ITGAE: variants seen among roughly 807,000 people sequenced by gnomAD.
ITGAE encodes the protein integrin subunit alpha E.
ITGAE carries 99 observed loss-of-function variants against 136.5 expected under a neutral mutation model. The observed-to-expected ratio is 0.73, with a 90% CI of 0.62 to 0.86. The LOEUF (loss-of-function observed/expected upper bound fraction) is 0.86, where lower values mean the gene tolerates loss of function less well. Ranked by LOEUF, ITGAE falls within the 40% of genes least tolerant of loss-of-function variation. ITGAE has a pLI of 0.00. For missense variants in ITGAE, 1,447 were observed against 1,515.3 expected, an observed-to-expected ratio of 0.95 and a Z score of 0.75; for synonymous variants, 613 against 591.8, an observed-to-expected ratio of 1.04 and a Z score of -0.52.
rs1403975326 is a variant in ITGAE, at chr17:3,725,669, T to G, written c.3085-1925A>C. On this transcript the variant is annotated intron_variant, in intron 26 of 30. Coordinates refer to ENST00000263087, the MANE Select transcript of ITGAE (RefSeq NM_002208.5). ...CTCCCTTGCTCCTCAAAGCCTGGGA[T>G]CACTATAATTCAACCAAAGGCTCTG... 8 of 1,587,566 alleles carry G rather than the reference T, an allele frequency of 5.0e-6. No homozygotes were observed. Among genetic ancestry groups the G allele is most frequent in the Non-Finnish European group, 6.9e-6 (8 of 1,166,474 alleles).
At chr17:3,724,101 G>A (rs762390900) in intron 26 of ITGAE, 4 of 1,594,412 alleles carry the variant, frequency 2.5e-6, no homozygotes, top group Non-Finnish European at 3.4e-6. Context: ...CAGCATCGGC[G>A]ACCCCTCGCA....
intron 26 of ITGAE, 122 bp from the exon 27 acceptor site, chr17:3,723,866 A>T (rs755750422): frequency 1.1e-5 from 16 of 1,516,604 alleles, no homozygotes; most frequent in Non-Finnish European, 1.4e-5. Flanking sequence ...ACCCCGCGGC[A>T]GGCGGGCGCG....
intron 23 of ITGAE, among the ~76,000 whole-genome samples, chr17:3,730,206 A>T (rs562369048): frequency 6.6e-6 from 1 of 152,140 alleles, no homozygotes; most frequent in African/African-American, 2.4e-5. Flanking sequence ...CTGTAATCCC[A>T]GTGCTTTGGG....
At chr17:3,771,894 A>G (rs147718904) in intron 2 of ITGAE, among the ~76,000 whole-genome samples, 57 of 151,932 alleles carry the variant, frequency 3.8e-4, no homozygotes, top group African/African-American at 1.3e-3. Flanking sequence ...ACCAAACACA[A>G]TCTTGACCTT....
At chr17:3,726,019 G>A (rs375040861) in intron 26 of ITGAE, 75 of 1,613,976 alleles carry the variant, frequency 4.6e-5, no homozygotes, top group Admixed American at 2.5e-4. Context: ...CGCTTGGAAC[G>A]GGATGGGATT....
chr17:3,721,416 C>T (rs2051048664), intron 28 of ITGAE, among the ~76,000 whole-genome samples: 1 of 151,520 alleles, frequency 6.6e-6, no homozygotes, highest in Non-Finnish European at 1.5e-5. Context: ...GGACTACAGG[C>T]ATGAGCCACC....
intron 1 of ITGAE, among the ~76,000 whole-genome samples, chr17:3,792,059 T>C (rs1170477885): frequency 6.6e-6 from 1 of 152,212 alleles, no homozygotes; most frequent in Admixed American, 6.5e-5. Flanking sequence ...CTCTCATCCC[T>C]GCATTTAAGG....
chr17:3,731,848 G>A (rs1283254859), intron 22 of ITGAE, among the ~76,000 whole-genome samples: 1 of 151,358 alleles, frequency 6.6e-6, no homozygotes, highest in Non-Finnish European at 1.5e-5. Flanking sequence ...CGAGGCAGGT[G>A]GATCACTTGA....
Position 3,777,588 on chromosome 17 carries a change from A to G in ITGAE, c.107T>C (p.Phe36Ser). 2 of 1,613,802 alleles carry G rather than the reference A, an allele frequency of 1.2e-6. No homozygotes were observed. The highest frequency in any genetic ancestry group is 1.7e-6 in the Non-Finnish European group (2 of 1,179,866). ...TTGGTGCAGAAGGGAGCTGAGCACG[A>G]AAGGGGCACCTCCCTTGGGCGTGAG... ...PWLTPKGGAP[F>S]VLSSLLHQDP... The change falls in exon 2 of 31, where the codon TTC becomes TCC. Residue 36 changes from phenylalanine to serine, a missense_variant. By Grantham distance (155) the Phe-to-Ser change is radical. Coordinates refer to ENST00000263087, the MANE Select transcript of ITGAE (RefSeq NM_002208.5).
At chr17:3,757,674 T>A (rs778886842) in intron 9 of ITGAE, 32 bp downstream of exon 9, 1 of 1,610,822 alleles carries the variant, frequency 6.2e-7, no homozygotes. Context: ...CTGTGCAGGT[T>A]CAGGAGGTGT....
At chr17:3,783,436 G>T (rs574260524) in intron 1 of ITGAE, among the ~76,000 whole-genome samples, 98 of 152,298 alleles carry the variant, frequency 6.4e-4, no homozygotes, top group Middle Eastern at 3.4e-3. Flanking sequence ...GAGCCACCGC[G>T]CCTAGCCCCC....
chr17:3,780,223 C>T (rs1567553634), intron 1 of ITGAE, among the ~76,000 whole-genome samples: 1 of 147,410 alleles, frequency 6.8e-6, no homozygotes, highest in African/African-American at 2.5e-5. Flanking sequence ...CAGGCTGGAG[C>T]GCAGAGGCGA....
Position 3,751,672 on chromosome 17 carries a change from CCGTCCCAGTGTCCATTGTAGATATACA to C in ITGAE, c.1844_1870del (p.Val615_Asp623del). On this transcript the variant is annotated inframe_deletion, in exon 15 of 31. Transcript: ENST00000263087. ...CACCTGCGAGGGGCTGGCGGAGAGGCCGTCCCAGTGTCCATTGTAGATATACACACTGCCGAAGCTGGCACCATCATC... is the reference window on the plus strand; with the variant it reads ...CACCTGCGAGGGGCTGGCGGAGAGGCCACTGCCGAAGCTGGCACCATCATC... 1 of 1,613,856 alleles carries C rather than the reference CCGTCCCAGTGTCCATTGTAGATATACA, an allele frequency of 6.2e-7. No individual in the cohort carries two copies. Among genetic ancestry groups the C allele is most frequent in the Non-Finnish European group, 8.5e-7 (1 of 1,179,890 alleles).
chr17:3,753,749 G>A, intron 13 of ITGAE, 34 bp downstream of exon 13: 1 of 1,612,674 alleles, frequency 6.2e-7, no homozygotes. Flanking sequence ...TTCCCCATCG[G>A]TCATAAGGGG....
At position 3,799,110 on chromosome 17, in the gene ITGAE, A is replaced by G. The variant is rs148565520; in HGVS notation, c.34+2001T>C. On this transcript the variant is annotated intron_variant, in intron 1 of 30. Transcript: ENST00000263087. The surrounding 1 kb of genome is among the most constrained non-coding windows in gnomAD (Gnocchi z 4.1). Reference sequence around the variant, plus strand: ...GTGCTGGGCCTGGAGCCACAGTCTGAGGGAGTTCTTCCTCCCAGCATCTCC... The same window carrying G: ...GTGCTGGGCCTGGAGCCACAGTCTGGGGGAGTTCTTCCTCCCAGCATCTCC... 8.5e-3 allele frequency among the ~76,000 whole-genome samples: 1,293 copies of G among 152,240 alleles called. 16 individuals carry two copies. Among genetic ancestry groups the G allele is most frequent in the African/African-American group, 0.029 (1,198 of 41,530 alleles).
intron 1 of ITGAE, among the ~76,000 whole-genome samples, chr17:3,790,422 G>A (rs897311119): frequency 2.7e-4 from 41 of 151,952 alleles, no homozygotes; most frequent in African/African-American, 8.9e-4. Context: ...CAGGAGACTC[G>A]CTTGAACCTG....
intron 1 of ITGAE, among the ~76,000 whole-genome samples, chr17:3,794,517 C>T (rs1390812131): frequency 1.5e-4 from 23 of 152,176 alleles, no homozygotes; most frequent in Non-Finnish European, 8.8e-5. Context: ...ATCTCAGGGC[C>T]TGGCATGGTG....
rs202209961 is a variant in ITGAE, at chr17:3,751,711, C to G, written c.1832G>C (p.Ser611Thr). 2.1e-4 allele frequency: 336 copies of G among 1,614,054 alleles called. 2 individuals are homozygous for G. In the Admixed American group the frequency reaches 4.3e-3, roughly 21 times the overall value. Residue 611 changes from serine (S) to threonine (T), a missense_variant, in exon 15 of 31, where the codon AGC becomes ACC. This residue lies in a region of ITGAE where 1,031 missense variants were observed against 1,011.4 expected (regional missense o/e 1.02). Transcript: ENST00000263087. Reference sequence around the variant, plus strand: ...ATTGTAGATATACACACTGCCGAAGCTGGCACCATCATCTGCCCCAAAACC... The same window carrying G: ...ATTGTAGATATACACACTGCCGAAGGTGGCACCATCATCTGCCCCAAAACC... The part of the protein sequence containing the change: ...LEGFGADDGA[S>T]FGSVYIYNGH...
rs1008293480 is a variant in ITGAE, at chr17:3,714,737, C to T, written c.*110G>A. 3 of 612,006 alleles carry T rather than the reference C, an allele frequency of 4.9e-6. No individual in the cohort carries two copies. Among genetic ancestry groups the T allele is most frequent in the African/African-American group, 3.7e-5 (2 of 53,658 alleles). 37.9% of individuals were successfully genotyped at this position (612,006 alleles called of 1,614,324 possible). ...GTATGGTTAAAAACTAATATTCTAC[C>T]AACAGCTCCATGCTGCTCTAGATCA... On this transcript the variant is annotated 3_prime_UTR_variant, in exon 31 of 31. Coordinates refer to ENST00000263087, the MANE Select transcript of ITGAE (RefSeq NM_002208.5).
Sources: gnomAD v4.1 joint callset for allele counts (sites outside exome capture counted in the v4.1 genomes callset) on GRCh38, gnomAD v4.1.1 for gene constraint, gnomAD v4.1.1 regional missense constraint, Gnocchi (gnomAD v3.1) non-coding constraint, MANE v1.5 for transcripts, NCBI Gene and HGNC (gene_info 2026-07-23, HGNC 2026-07-21) for gene names.